MAP2: variants seen among roughly 807,000 people sequenced by gnomAD.
The protein encoded by MAP2 is microtubule-associated protein 2.
Under a neutral mutation model 137.6 loss-of-function variants are expected in MAP2, and 14 were observed. The ratio of observed to expected loss-of-function variants is 0.10; its 90% CI spans 0.07 to 0.16. The LOEUF is 0.16. MAP2 is among the 10% of genes least tolerant of loss of function. MAP2 has a pLI of 1.00. For synonymous variants in MAP2, 786 were observed against 782.3 expected (o/e 1.00, Z -0.08); for missense variants, 2,088 against 2,191.5 (o/e 0.95, Z 0.94).
chr2:209,626,693 A>G (rs2092372469), intron 4 of MAP2, among the ~76,000 whole-genome samples: 1 of 152,198 alleles, frequency 6.6e-6, no homozygotes, highest in South Asian at 2.1e-4. Context: ...AGGGCATCAC[A>G]CTGTAGATAT....
chr2:209,497,198 G>GCA (rs1355919910), intron 1 of MAP2, among the ~76,000 whole-genome samples: 7 of 152,270 alleles, frequency 4.6e-5, no homozygotes, highest in Admixed American at 2.6e-4. Context: ...AGGGCTTGTA[G>GCA]CAGGTAATTA....
intron 5 of MAP2, among the ~76,000 whole-genome samples, chr2:209,675,568 C>T (rs1401054829): frequency 1.3e-5 from 2 of 151,800 alleles, no homozygotes; most frequent in Non-Finnish European, 2.9e-5. Flanking sequence ...CAGTGTACCA[C>T]AATGTTATTT....
chr2:209,601,639 C>T (rs1424298273), intron 3 of MAP2, among the ~76,000 whole-genome samples: 2 of 152,090 alleles, frequency 1.3e-5, no homozygotes, highest in Non-Finnish European at 2.9e-5. Context: ...CAGTAACTTA[C>T]CAAATGCATA....
intron 11 of MAP2, chr2:209,704,742 A>G: frequency 3.6e-6 from 3 of 826,656 alleles, no homozygotes; most frequent in Non-Finnish European, 5.2e-6. Context: ...TTTGACACAT[A>G]AACAGTAGGC....
At chr2:209,441,467 A>G (rs975075370) in intron 1 of MAP2, among the ~76,000 whole-genome samples, 4 of 151,572 alleles carry the variant, frequency 2.6e-5, no homozygotes, top group African/African-American at 9.7e-5. Context: ...CCTTTGGAGG[A>G]CATGATGCTT....
chr2:209,515,877 AC>A (rs2062418915), intron 2 of MAP2, among the ~76,000 whole-genome samples: 1 of 152,032 alleles, frequency 6.6e-6, no homozygotes, highest in Non-Finnish European at 1.5e-5. Flanking sequence ...GCCTTAACCT[AC>A]CCAGCTCAAG....
intron 4 of MAP2, among the ~76,000 whole-genome samples, chr2:209,635,541 T>C (rs2093476057): frequency 6.6e-6 from 1 of 152,200 alleles, no homozygotes; most frequent in Non-Finnish European, 1.5e-5. Flanking sequence ...CCATACTGTT[T>C]ATTTGGATGT....
chr2:209,449,122 C>T (rs1439850660), intron 1 of MAP2, among the ~76,000 whole-genome samples: 1 of 152,130 alleles, frequency 6.6e-6, no homozygotes, highest in Non-Finnish European at 1.5e-5. Context: ...ACGGAGCTTC[C>T]AAGTTCAGCA....
chr2:209,434,884 G>GTT (rs1376249804), intron 1 of MAP2, among the ~76,000 whole-genome samples: 3 of 34,036 alleles, frequency 8.8e-5, no homozygotes, highest in Non-Finnish European at 1.7e-4. Context: ...TTATATATAT[G>GTT]TTATATATAT....
chr2:209,545,519 A>G (rs1377869292), intron 2 of MAP2, among the ~76,000 whole-genome samples: 2 of 152,202 alleles, frequency 1.3e-5, no homozygotes, highest in Non-Finnish European at 2.9e-5. Context: ...GTATTGTAAC[A>G]TTATTAGTCA....
intron 1 of MAP2, among the ~76,000 whole-genome samples, chr2:209,446,646 G>A (rs936168565): frequency 1.3e-5 from 2 of 151,826 alleles, no homozygotes; most frequent in Non-Finnish European, 2.9e-5. Flanking sequence ...TAAAATAGGT[G>A]GAGGGAAATG....
chr2:209,520,990 G>T (rs2063194898), intron 2 of MAP2, among the ~76,000 whole-genome samples: 1 of 152,022 alleles, frequency 6.6e-6, no homozygotes, highest in Non-Finnish European at 1.5e-5. Context: ...GACATTAAAG[G>T]TTATGCATAG....
chr2:209,512,353 T>C (rs1354387995), intron 2 of MAP2, among the ~76,000 whole-genome samples: 2 of 151,890 alleles, frequency 1.3e-5, no homozygotes, highest in Non-Finnish European at 2.9e-5. Flanking sequence ...ATATGGGGAT[T>C]GCTAAATAAA....
intron 2 of MAP2, among the ~76,000 whole-genome samples, chr2:209,571,178 A>G (rs576829574): frequency 6.6e-6 from 1 of 152,042 alleles, no homozygotes; most frequent in African/African-American, 2.4e-5. Flanking sequence ...ACCCTTTTGC[A>G]TAATATTCAC....
chr2:209,441,526 C>CT (rs1469787253), intron 1 of MAP2, among the ~76,000 whole-genome samples: 1 of 151,532 alleles, frequency 6.6e-6, no homozygotes, highest in Non-Finnish European at 1.5e-5. Flanking sequence ...TATTGTACTG[C>CT]TTTTCGAAGT....
At chr2:209,427,520 T>C (rs1366388156) in intron 1 of MAP2, among the ~76,000 whole-genome samples, 4 of 152,200 alleles carry the variant, frequency 2.6e-5, no homozygotes, top group East Asian at 3.8e-4. Flanking sequence ...ATTTTGATCA[T>C]TTCACCATAT....
chr2:209,567,202 A>ATTAACATTATTCATTGTACCCAG (rs1201445466), intron 2 of MAP2, among the ~76,000 whole-genome samples: 1 of 152,118 alleles, frequency 6.6e-6, no homozygotes, highest in East Asian at 1.9e-4. Flanking sequence ...CACAACACAA[A>ATTAACATTATTCATTGTACCCAG]TTAACATTAT....
At chr2:209,562,856 A>C (rs1394816798) in intron 2 of MAP2, among the ~76,000 whole-genome samples, 1 of 152,222 alleles carries the variant, frequency 6.6e-6, no homozygotes, top group African/African-American at 2.4e-5. Flanking sequence ...AATATAAAGC[A>C]GTTTTTAAAA....
In MAP2 at chr2:209,692,774, G is replaced by C. The variant is rs1317627213; in HGVS notation, c.604G>C (p.Glu202Gln). 4 of 1,614,032 alleles carry C rather than the reference G, an allele frequency of 2.5e-6. No homozygotes were observed. Among genetic ancestry groups the C allele is most frequent in the Non-Finnish European group, 3.4e-6 (4 of 1,179,962 alleles). The change falls in exon 8 of 16, where the codon GAG becomes CAG. Residue 202 changes from glutamate (E) to glutamine (Q), a missense_variant. Physicochemically the swap from Glu to Gln is conservative, Grantham distance 29 (BLOSUM62 2). Around this residue, in one of 6 missense-constraint regions of MAP2, gnomAD observed 859 missense variants for 794.5 expected, o/e 1.08. Coordinates refer to ENST00000682079, the MANE Select transcript of MAP2 (RefSeq NM_001375505.1). ...ACATGCTGCCTTAGTTTCTCAGCCAGAGACAACTAAAACTTACCCTGATAA... is the reference window on the plus strand; with the variant it reads ...ACATGCTGCCTTAGTTTCTCAGCCACAGACAACTAAAACTTACCCTGATAA... ...LKHAALVSQP[E>Q]TTKTYPDKKD...
Sources: gnomAD v4.1 joint callset for allele counts (sites outside exome capture counted in the v4.1 genomes callset) on GRCh38, gnomAD v4.1.1 for gene constraint, gnomAD v4.1.1 regional missense constraint, MANE v1.5 for transcripts, NCBI Gene and HGNC (gene_info 2026-07-23, HGNC 2026-07-21) for gene names.